Variants in CXADR observed in about 807,000 individuals in gnomAD.
The protein encoded by CXADR is CXADR cell adhesion molecule.
Under a neutral mutation model 40.3 loss-of-function variants are expected in CXADR, and 20 were observed. That is an observed-to-expected ratio of 0.50 (90% confidence interval 0.35 to 0.72). CXADR has a LOEUF of 0.72. Among genes scored for constraint, CXADR ranks in the 30% least tolerant of loss-of-function variants. CXADR has a pLI of 0.01. For synonymous variants in CXADR, 150 were observed against 161.3 expected, an observed-to-expected ratio of 0.93 and a Z score of 0.53; for missense variants, 332 against 449.1, an observed-to-expected ratio of 0.74 and a Z score of 2.36.
chr21:17,612,668 T>C, the CXADR span: 5 of 152,210 alleles, frequency 3.3e-5, no homozygotes, highest in Admixed American at 6.5e-5. Context: ...AGCCCCGCCA[T>C]GTCTGCCTTT....
Position 17,568,610 on chromosome 21 carries a change from C to T in CXADR, c.*2918C>T. ...GTTTCACTATTGCTCAGGCTGGTCT[C>T]AAACTGCTGGGCTCAGGAGATCCTC... On this transcript the variant is annotated 3_prime_UTR_variant, in exon 7 of 7. Coordinates refer to ENST00000284878, the MANE Select transcript of CXADR (RefSeq NM_001338.5). 2.1e-6 allele frequency: 2 copies of T among 975,514 alleles called. No homozygotes were observed. The highest frequency in any genetic ancestry group is 2.4e-6 in the Non-Finnish European group (2 of 824,800). The allele number at this position is 975,514 out of a possible 1,614,324, so 60.4% of individuals were successfully genotyped here. A position where few individuals can be genotyped will look rare whatever the true frequency, so the allele number is the denominator to read the frequency against.
At chr21:17,526,295 G>A (rs545625871) in intron 1 of CXADR, among the ~76,000 whole-genome samples, 1 of 151,894 alleles carries the variant, frequency 6.6e-6, no homozygotes. Context: ...TTCTAAAATC[G>A]TTATTTTTTT....
chr21:17,552,491 G>A (rs2060981257), intron 3 of CXADR, among the ~76,000 whole-genome samples: 1 of 152,184 alleles, frequency 6.6e-6, no homozygotes, highest in Admixed American at 6.5e-5. Flanking sequence ...TAGGGAGGTA[G>A]TGTAAACTGC....
At chr21:17,610,928 A>G in the CXADR span, among the ~76,000 whole-genome samples, 2 of 150,678 alleles carry the variant, frequency 1.3e-5, 1 homozygote, top group East Asian at 4.6e-4. Context: ...AATAAATTCT[A>G]CACAGTTATC....
chr21:17,585,181 C>T (rs939101290), intron 7 of CXADR, among the ~76,000 whole-genome samples: 3 of 152,100 alleles, frequency 2.0e-5, no homozygotes, highest in African/African-American at 7.2e-5. Flanking sequence ...TAAATGAATA[C>T]TCCTGACCAA....
At chr21:17,623,867 T>C in the CXADR span, among the ~76,000 whole-genome samples, 4 of 152,216 alleles carry the variant, frequency 2.6e-5, no homozygotes, top group African/African-American at 9.7e-5. Context: ...TCAATTCTTT[T>C]TGAGACACTC....
chr21:17,588,053 GC>G (rs2061410109), intron 7 of CXADR, among the ~76,000 whole-genome samples: 1 of 152,092 alleles, frequency 6.6e-6, no homozygotes, highest in Non-Finnish European at 1.5e-5. Flanking sequence ...TAGATATGTG[GC>G]GTTATTTCTG....
At chr21:17,530,671 G>A (rs2060661990) in intron 1 of CXADR, among the ~76,000 whole-genome samples, 1 of 152,002 alleles carries the variant, frequency 6.6e-6, no homozygotes, top group African/African-American at 2.4e-5. Flanking sequence ...AAAATTAGCC[G>A]GGCGTGGTAA....
At chr21:17,598,734 G>C in the CXADR span, 1 of 1,613,948 alleles carries the variant, frequency 6.2e-7, no homozygotes, top group South Asian at 1.1e-5. Flanking sequence ...CCTTATCAAG[G>C]GCCCTGGTAA....
intron 1 of CXADR, among the ~76,000 whole-genome samples, chr21:17,534,269 G>A (rs1429089493): frequency 6.6e-6 from 1 of 151,496 alleles, no homozygotes; most frequent in African/African-American, 2.4e-5. Flanking sequence ...GCTAGTTTCT[G>A]TATTTTTAGT....
chr21:17,554,139 C>T (rs942810638), intron 3 of CXADR, among the ~76,000 whole-genome samples: 4 of 152,210 alleles, frequency 2.6e-5, no homozygotes, highest in East Asian at 1.9e-4. Flanking sequence ...GGGGTTGGCA[C>T]ATATTCCCAG....
At chr21:17,596,710 G>C (rs760866581), downstream of CXADR, among the ~76,000 whole-genome samples, 1 of 152,024 alleles carries the variant, frequency 6.6e-6, no homozygotes, top group Non-Finnish European at 1.5e-5. Context: ...TTGAATTAGT[G>C]TGAGCCCTCC....
At chr21:17,513,372 G>A (rs895602704) in intron 1 of CXADR, among the ~76,000 whole-genome samples, 200 bp downstream of exon 1, 4 of 152,098 alleles carry the variant, frequency 2.6e-5, no homozygotes, top group Non-Finnish European at 2.9e-5. Flanking sequence ...GTAGGGAGCC[G>A]CGCAGGGCGC....
the CXADR span, among the ~76,000 whole-genome samples, chr21:17,631,986 T>C: frequency 6.6e-6 from 1 of 152,164 alleles, no homozygotes; most frequent in East Asian, 1.9e-4. Context: ...AATTTTTAAA[T>C]TTTTTGTAGA....
At chr21:17,561,244 G>T in intron 5 of CXADR, 94 bp from the exon 6 acceptor site, 1 of 452,340 alleles carries the variant, frequency 2.2e-6, no homozygotes, top group East Asian at 4.2e-5. Flanking sequence ...AAGTTAACAC[G>T]TGATGAAATC....
At chr21:17,579,045 T>C (rs1423993517) in intron 7 of CXADR, among the ~76,000 whole-genome samples, 2 of 151,754 alleles carry the variant, frequency 1.3e-5, no homozygotes, top group Non-Finnish European at 2.9e-5. Context: ...AAGTCCTTGG[T>C]GGTGAAGGGA....
chr21:17,602,068 T>C, the CXADR span, among the ~76,000 whole-genome samples: 1 of 152,086 alleles, frequency 6.6e-6, no homozygotes, highest in East Asian at 1.9e-4. Flanking sequence ...CAATGATCAC[T>C]GATAAAACAT....
intron 7 of CXADR, among the ~76,000 whole-genome samples, chr21:17,583,830 A>G (rs2061376726): frequency 1.3e-5 from 2 of 152,224 alleles, no homozygotes; most frequent in Admixed American, 1.3e-4. Context: ...ACAGTTTACC[A>G]GAAAGACCTC....
chr21:17,549,804 C>T (rs763319064), intron 2 of CXADR, among the ~76,000 whole-genome samples: 1 of 152,148 alleles, frequency 6.6e-6, no homozygotes, highest in African/African-American at 2.4e-5. Flanking sequence ...TTGAACTCTA[C>T]GACCTTTAGA....
Sources: gnomAD v4.1 joint callset for allele counts (sites outside exome capture counted in the v4.1 genomes callset) on GRCh38, gnomAD v4.1.1 for gene constraint, MANE v1.5 for transcripts, NCBI Gene and HGNC (gene_info 2026-07-23, HGNC 2026-07-21) for gene names.